The following GARIN5B variants were observed in gnomAD, a reference collection of about 807,000 sequenced individuals.
The protein encoded by GARIN5B is golgi associated RAB2 interactor family member 5B, also known as Golgi-associated RAB2 interactor protein 5B.
the GARIN5B span, chr19:55,359,227 G>A: frequency 1.3e-6 from 2 of 1,551,242 alleles, no homozygotes; most frequent in Non-Finnish European, 1.7e-6. Flanking sequence ...GCGCCATCTG[G>A]TATTCGGTAG....
At chr19:55,355,997 C>A in the GARIN5B span, among the ~76,000 whole-genome samples, 1 of 149,224 alleles carries the variant, frequency 6.7e-6, no homozygotes, top group African/African-American at 2.4e-5. Context: ...ACAAAAAAAT[C>A]AAAAACTTGG....
the GARIN5B span, chr19:55,359,730 T>G: frequency 6.4e-7 from 1 of 1,551,228 alleles, no homozygotes; most frequent in Non-Finnish European, 8.7e-7. Context: ...TCCCTGCCCC[T>G]GGGGATGGAA....
the GARIN5B span, chr19:55,358,679 G>A: frequency 9.0e-6 from 14 of 1,551,190 alleles, no homozygotes; most frequent in South Asian, 3.6e-5. Flanking sequence ...TGACGTGGCC[G>A]ACGCCTGCGG....
chr19:55,362,096 A>T, the GARIN5B span: 6,977 of 1,105,714 alleles, frequency 6.3e-3, 38 homozygotes, highest in Non-Finnish European at 6.9e-3. Context: ...CCCTCGACTC[A>T]GGGGTCCAGG....
At chr19:55,358,911 C>T in the GARIN5B span, 1 of 1,551,048 alleles carries the variant, frequency 6.4e-7, no homozygotes, top group Middle Eastern at 1.7e-4. Flanking sequence ...GGGGACCTCT[C>T]TTCAAGCTTC....
chr19:55,361,241 G>A, the GARIN5B span: 5 of 1,550,918 alleles, frequency 3.2e-6, no homozygotes, highest in Non-Finnish European at 1.7e-6. Flanking sequence ...AACCCTGACT[G>A]GGAAGAGAGG....
the GARIN5B span, chr19:55,355,397 G>C: frequency 8.5e-6 from 13 of 1,538,002 alleles, no homozygotes; most frequent in Non-Finnish European, 1.1e-5. Context: ...GGTAGGGAGA[G>C]AGGGGTACCC....
chr19:55,361,204 C>T, the GARIN5B span: 123 of 1,551,212 alleles, frequency 7.9e-5, 1 homozygote, highest in Middle Eastern at 6.7e-4. Context: ...GAGCAGCCAC[C>T]GTCTTATGCG....
At chr19:55,357,528 C>T in the GARIN5B span, among the ~76,000 whole-genome samples, 3 of 152,192 alleles carry the variant, frequency 2.0e-5, no homozygotes, top group African/African-American at 7.2e-5. Flanking sequence ...TGGCTTCCTC[C>T]GTCCTCTCCT....
At chr19:55,362,951 C>T in the GARIN5B span, 74 of 1,504,018 alleles carry the variant, frequency 4.9e-5, 1 homozygote, top group Non-Finnish European at 5.8e-5. Context: ...GGGCAGCGGA[C>T]GGAGGGGCAG....
At chr19:55,358,288 C>T in the GARIN5B span, 1 of 1,550,362 alleles carries the variant, frequency 6.5e-7, no homozygotes, top group Non-Finnish European at 8.7e-7. Context: ...GCTGGGCTGG[C>T]ATCCTCATGG....
chr19:55,360,674 C>A, the GARIN5B span: 1 of 1,550,320 alleles, frequency 6.5e-7, no homozygotes, highest in Non-Finnish European at 8.7e-7. Context: ...CTGGGCCCTG[C>A]CCCGGGTATA....
chr19:55,358,896 G>C, the GARIN5B span: 1 of 1,550,808 alleles, frequency 6.4e-7, no homozygotes, highest in Non-Finnish European at 8.7e-7. Flanking sequence ...ACGCCAGGCA[G>C]GTCCGGGGAC....
the GARIN5B span, chr19:55,358,678 C>T: frequency 1.5e-4 from 238 of 1,551,366 alleles, no homozygotes; most frequent in African/African-American, 2.0e-3. Flanking sequence ...TTGACGTGGC[C>T]GACGCCTGCG....
At chr19:55,361,218 A>G in the GARIN5B span, 30 of 1,551,086 alleles carry the variant, frequency 1.9e-5, no homozygotes, top group Admixed American at 1.2e-4. Flanking sequence ...TTATGCGGAA[A>G]GTTGCGCTCA....
At chr19:55,363,082 T>TG in the GARIN5B span, 1 of 1,489,928 alleles carries the variant, frequency 6.7e-7, no homozygotes. The surrounding 1 kb of genome is among the most constrained non-coding windows in gnomAD (Gnocchi z 4.0). Flanking sequence ...CTGTGGTGGA[T>TG]GGGTACTGGT....
the GARIN5B span, chr19:55,358,510 TG>T: frequency 1.6e-5 from 25 of 1,522,188 alleles, no homozygotes; most frequent in South Asian, 3.0e-4. Context: ...GGTCCCAGGG[TG>T]GCTCCTTCAT....
At chr19:55,359,161 T>A in the GARIN5B span, 3 of 1,551,056 alleles carry the variant, frequency 1.9e-6, no homozygotes, top group African/African-American at 4.1e-5. Flanking sequence ...CAGGAATTCC[T>A]GTTGGCAACA....
At chr19:55,355,421 C>T in the GARIN5B span, 1 of 1,451,996 alleles carries the variant, frequency 6.9e-7, no homozygotes, top group South Asian at 1.2e-5. Context: ...GCTTTAAGAG[C>T]TGCAGATGCC....
Sources: gnomAD v4.1 joint callset for allele counts (sites outside exome capture counted in the v4.1 genomes callset) on GRCh38, gnomAD v4.1.1 for gene constraint, Gnocchi (gnomAD v3.1) non-coding constraint, MANE v1.5 for transcripts, NCBI Gene and HGNC (gene_info 2026-07-23, HGNC 2026-07-21) for gene names.